SLC30A5: variants seen among roughly 807,000 people sequenced by gnomAD.
The protein encoded by SLC30A5 is proton-coupled zinc antiporter SLC30A5.
In SLC30A5, 33 loss-of-function variants were observed where a neutral mutation model predicts 79.6. The ratio of observed to expected loss-of-function variants is 0.41; its 90% CI spans 0.31 to 0.55. The LOEUF is 0.55. Among genes scored for constraint, SLC30A5 ranks in the 20% least tolerant of loss-of-function variants. SLC30A5 has a pLI of 0.20. For missense variants in SLC30A5, 788 were observed against 928.1 expected, an observed-to-expected ratio of 0.85 and a Z score of 1.96; for synonymous variants, 299 against 319.7, an observed-to-expected ratio of 0.94 and a Z score of 0.69.
chr5:69,116,541 T>C lies in SLC30A5; in HGVS notation c.1220T>C (p.Leu407Pro), dbSNP rs1308491625. ...QSIPRFIKES[L>P]KQILEESDSR... Reference sequence around the variant, plus strand: ...ATCCCTAGGTTTATTAAGGAATCACTAAAACAAATTCTTGAGGAGAGTGAC... The same window carrying C: ...ATCCCTAGGTTTATTAAGGAATCACCAAAACAAATTCTTGAGGAGAGTGAC... The change falls in exon 10 of 16, where the codon CTA becomes CCA. Residue 407 changes from leucine (L) to proline (P), a missense_variant. Physicochemically the swap from Leu to Pro is moderately conservative, Grantham distance 98 (BLOSUM62 -3). Transcript: ENST00000396591. The surrounding 1 kb of genome is among the most constrained non-coding windows in gnomAD (Gnocchi z 4.0). 6.2e-7 allele frequency: 1 copy of C among 1,610,918 alleles called. No individual in the cohort carries two copies. The highest frequency in any genetic ancestry group is 8.5e-7 in the Non-Finnish European group (1 of 1,179,166).
rs1054596542 is a variant in SLC30A5, at chr5:69,116,252, C to T, written c.1072+38C>T. ...CCCTTTTTTTTATTTTAACAAATTT[C>T]TATTTATGGATTTTGATGGTCACAT... On this transcript the variant is annotated intron_variant, in intron 9 of 15. Coordinates refer to ENST00000396591, the MANE Select transcript of SLC30A5 (RefSeq NM_022902.5). This position sits in a 1 kb window ranked among gnomAD's most constrained non-coding sequence, Gnocchi z 4.0. 5 of 1,534,086 alleles carry T rather than the reference C, an allele frequency of 3.3e-6. No individual in the cohort carries two copies. The highest frequency in any genetic ancestry group is 1.4e-5 in the African/African-American group (1 of 71,228).
intron 14 of SLC30A5, among the ~76,000 whole-genome samples, chr5:69,125,904 G>A (rs965570289): frequency 8.2e-6 from 1 of 121,342 alleles, no homozygotes; most frequent in Non-Finnish European, 1.6e-5. Flanking sequence ...AAATTAGCTG[G>A]GTGTAGTAGT....
intron 11 of SLC30A5, among the ~76,000 whole-genome samples, chr5:69,117,900 G>A (rs1371473429): frequency 6.8e-6 from 1 of 147,984 alleles, no homozygotes; most frequent in Non-Finnish European, 1.5e-5. Context: ...ACAGGGCCAG[G>A]TGCGGTGGCT....
At chr5:69,115,789 A>T in intron 8 of SLC30A5, 137 bp from the exon 9 acceptor site, 2 of 764,008 alleles carry the variant, frequency 2.6e-6, no homozygotes, top group Non-Finnish European at 4.2e-6. Context: ...AATATCTTAT[A>T]GCTTTTATAT....
chr5:69,095,857 C>G (rs756645786), intron 1 of SLC30A5, among the ~76,000 whole-genome samples: 10 of 150,778 alleles, frequency 6.6e-5, no homozygotes, highest in African/African-American at 2.0e-4. Context: ...GTCAGGGGTT[C>G]GAGACCAGCC....
chr5:69,100,672 GA>G, intron 1 of SLC30A5, 134 bp from the exon 2 acceptor site: 1 of 651,000 alleles, frequency 1.5e-6, no homozygotes, highest in Non-Finnish European at 2.5e-6. Flanking sequence ...GTTGTTTGGG[GA>G]CTCTGTTTTG....
chr5:69,115,950 C>G lies in SLC30A5; in HGVS notation c.808C>G (p.Leu270Val). ...TESKVESWFS[L>V]IMPFATVIFF... ...GAGTAAAGTGGAGTCTTGGTTTTCTCTCATTATGCCTTTTGCAACGGTTAT... is the reference window on the plus strand; with the variant it reads ...GAGTAAAGTGGAGTCTTGGTTTTCTGTCATTATGCCTTTTGCAACGGTTAT... Residue 270 changes from leucine to valine, a missense_variant, in exon 9 of 16, where the codon CTC becomes GTC. Physicochemically the swap from Leu to Val is conservative, Grantham distance 32. Around this residue, in one of 3 missense-constraint regions of SLC30A5, gnomAD observed 626 missense variants for 755.5 expected, o/e 0.83. Transcript: ENST00000396591. The G allele has an allele frequency of 6.2e-7, 1 of 1,610,714 alleles. No individual in the cohort carries two copies. The highest frequency in any genetic ancestry group is 8.5e-7 in the Non-Finnish European group (1 of 1,178,510).
At chr5:69,113,361 T>C (rs1746284856) in intron 6 of SLC30A5, 134 bp downstream of exon 6, 1 of 593,702 alleles carries the variant, frequency 1.7e-6, no homozygotes. Flanking sequence ...AATGTAGATA[T>C]TCTAAATCAG....
At chr5:69,114,798 G>A (rs555948953) in intron 7 of SLC30A5, among the ~76,000 whole-genome samples, 9 of 152,306 alleles carry the variant, frequency 5.9e-5, no homozygotes, top group Non-Finnish European at 1.2e-4. Flanking sequence ...CCGGGAGGCC[G>A]AGGTTGCAGT....
intron 1 of SLC30A5, among the ~76,000 whole-genome samples, chr5:69,098,802 A>G (rs569759540): frequency 1.3e-5 from 2 of 152,358 alleles, no homozygotes; most frequent in South Asian, 4.1e-4. Context: ...GATATATTCA[A>G]AGCACTTGGA....
intron 7 of SLC30A5, among the ~76,000 whole-genome samples, chr5:69,114,719 G>C (rs187057947): frequency 2.1e-3 from 315 of 152,206 alleles, no homozygotes; most frequent in Admixed American, 6.2e-3. Flanking sequence ...TACAAAATTA[G>C]CCAGGCATGG....
intron 2 of SLC30A5, 94 bp downstream of exon 2, chr5:69,101,023 T>C: frequency 8.1e-7 from 1 of 1,240,116 alleles, no homozygotes; most frequent in Admixed American, 2.7e-5. Context: ...CATACAATAT[T>C]TTGTTTGTTC....
chr5:69,099,891 G>A (rs1029832218), intron 1 of SLC30A5, among the ~76,000 whole-genome samples: 42 of 152,106 alleles, frequency 2.8e-4, no homozygotes, highest in African/African-American at 9.4e-4. Context: ...GGCATCTTTT[G>A]TTAAAGTAAA....
intron 1 of SLC30A5, among the ~76,000 whole-genome samples, chr5:69,097,835 G>T (rs1745790381): frequency 6.6e-6 from 1 of 152,066 alleles, no homozygotes; most frequent in Non-Finnish European, 1.5e-5. Context: ...TACCATGCCT[G>T]GCCTGGATTC....
At chr5:69,113,651 T>A (rs2111971365) in intron 6 of SLC30A5, among the ~76,000 whole-genome samples, 1 of 152,266 alleles carries the variant, frequency 6.6e-6, no homozygotes, top group Non-Finnish European at 1.5e-5. Context: ...TCTAAATTAT[T>A]ATCTCTAGCT....
chr5:69,114,434 G>T lies in SLC30A5; in HGVS notation c.550G>T (p.Asp184Tyr), dbSNP rs377647584. Reference sequence around the variant, plus strand: ...AACTCACTTAGCTGAAGGACATCATGACAGTGCTCTAACTCATATGCTTTA... The same window carrying T: ...AACTCACTTAGCTGAAGGACATCATTACAGTGCTCTAACTCATATGCTTTA... ...KMAEHPEGHH[D>Y]SALTHMLYTA... is the part of the protein sequence containing the mutation. Residue 184 changes from aspartate to tyrosine, a missense_variant, in exon 7 of 16, where the codon GAC becomes TAC. This residue lies in a region of SLC30A5 where 626 missense variants were observed against 755.5 expected (regional missense o/e 0.83). Coordinates refer to ENST00000396591, the MANE Select transcript of SLC30A5 (RefSeq NM_022902.5). The T allele has an allele frequency of 5.0e-6, 8 of 1,608,780 alleles. No homozygotes were observed. The highest frequency in any genetic ancestry group is 6.8e-6 in the Non-Finnish European group (8 of 1,175,752).
At chr5:69,104,352 G>A (rs1746022750) in intron 3 of SLC30A5, 1 of 658,380 alleles carries the variant, frequency 1.5e-6, no homozygotes, top group Non-Finnish European at 2.1e-6. Context: ...ACATTGGCCA[G>A]CCTGGTCTTG....
intron 5 of SLC30A5, among the ~76,000 whole-genome samples, chr5:69,109,330 A>G (rs164711): frequency 0.74 from 112,018 of 151,614 alleles, 42,556 homozygotes; most frequent in African/African-American, 0.92. Context: ...CCTACTATGT[A>G]CCCACAAAAA....
At chr5:69,108,843 T>G (rs963861829) in intron 5 of SLC30A5, among the ~76,000 whole-genome samples, 1 of 141,814 alleles carries the variant, frequency 7.1e-6, no homozygotes. Flanking sequence ...AAAAAAAAAA[T>G]TCCAGGGGCT....
Sources: gnomAD v4.1 joint callset for allele counts (sites outside exome capture counted in the v4.1 genomes callset) on GRCh38, gnomAD v4.1.1 for gene constraint, gnomAD v4.1.1 regional missense constraint, Gnocchi (gnomAD v3.1) non-coding constraint, MANE v1.5 for transcripts, NCBI Gene and HGNC (gene_info 2026-07-23, HGNC 2026-07-21) for gene names.